The following LRMDA variants were observed in gnomAD, a reference collection of about 807,000 sequenced individuals.
LRMDA encodes the protein leucine-rich melanocyte differentiation-associated protein.
In LRMDA, 18 loss-of-function variants were observed where a neutral mutation model predicts 29.8. The observed-to-expected ratio is 0.60, with a 90% CI of 0.42 to 0.90. LRMDA has a LOEUF of 0.90. LRMDA is among the 40% of genes least tolerant of loss of function. The probability of loss-of-function intolerance (pLI) is 0.00; values close to 1 mark genes in which losing one functional copy is unlikely to be tolerated. For missense variants in LRMDA, 273 were observed against 273.9 expected (o/e 1.00, Z 0.02); for synonymous variants, 125 against 109.4 (o/e 1.14, Z -0.89).
intron 2 of LRMDA, among the ~76,000 whole-genome samples, chr10:75,685,991 G>C (rs1398327794): frequency 6.6e-6 from 1 of 152,176 alleles, no homozygotes; most frequent in Non-Finnish European, 1.5e-5. Context: ...CTGTTTTACA[G>C]ATAAGGACTT....
chr10:75,453,116 T>C (rs1844478400), intron 2 of LRMDA, among the ~76,000 whole-genome samples: 1 of 152,188 alleles, frequency 6.6e-6, no homozygotes, highest in Non-Finnish European at 1.5e-5. Flanking sequence ...GAGTCATATA[T>C]GCAGCTTTGT....
At chr10:76,487,778 A>G (rs982162638) in intron 6 of LRMDA, among the ~76,000 whole-genome samples, 1 of 151,930 alleles carries the variant, frequency 6.6e-6, no homozygotes, top group South Asian at 2.1e-4. Flanking sequence ...AGGTTACGCA[A>G]CTTGCCCAAG....
At chr10:75,537,954 A>G (rs1482091517) in intron 2 of LRMDA, among the ~76,000 whole-genome samples, 3 of 152,172 alleles carry the variant, frequency 2.0e-5, no homozygotes, top group Non-Finnish European at 2.9e-5. Context: ...CTGGTGGGTC[A>G]CACACAGCTC....
At chr10:75,664,037 C>T (rs755483200) in intron 2 of LRMDA, among the ~76,000 whole-genome samples, 4 of 152,126 alleles carry the variant, frequency 2.6e-5, no homozygotes, top group African/African-American at 7.2e-5. Flanking sequence ...CTGTGGATAT[C>T]GAATAGTCCG....
chr10:75,972,093 G>C (rs1846983539), intron 2 of LRMDA, among the ~76,000 whole-genome samples: 1 of 152,188 alleles, frequency 6.6e-6, no homozygotes, highest in South Asian at 2.1e-4. Context: ...TATCGCTTCA[G>C]CTGTTTTCTG....
intron 2 of LRMDA, among the ~76,000 whole-genome samples, chr10:75,938,309 A>C (rs1589259786): frequency 6.6e-6 from 1 of 152,288 alleles, no homozygotes; most frequent in East Asian, 1.9e-4. Context: ...TTGCCACGTT[A>C]CCTCCTAGAC....
chr10:76,241,583 A>G (rs1285132512), intron 5 of LRMDA, among the ~76,000 whole-genome samples: 1 of 152,176 alleles, frequency 6.6e-6, no homozygotes, highest in Non-Finnish European at 1.5e-5. Flanking sequence ...TGACTGTATG[A>G]AATGGGAATA....
chr10:76,175,129 AAAG>A (rs1295991893), intron 5 of LRMDA, among the ~76,000 whole-genome samples: 2 of 152,190 alleles, frequency 1.3e-5, no homozygotes, highest in Non-Finnish European at 2.9e-5. Context: ...CTCCAAAAAA[AAAG>A]AAGATTGTTC....
intron 2 of LRMDA, among the ~76,000 whole-genome samples, chr10:75,545,273 G>T (rs1444137184): frequency 6.6e-6 from 1 of 152,116 alleles, no homozygotes; most frequent in Non-Finnish European, 1.5e-5. Flanking sequence ...CATCAATTAA[G>T]TCAGAAACTA....
chr10:76,005,113 C>T (rs1212290342), intron 2 of LRMDA, among the ~76,000 whole-genome samples: 1 of 152,050 alleles, frequency 6.6e-6, no homozygotes, highest in East Asian at 1.9e-4. Flanking sequence ...AGATTTATCC[C>T]CCTCCAACAA....
At chr10:76,036,476 C>T (rs1848248463) in intron 3 of LRMDA, among the ~76,000 whole-genome samples, 1 of 152,206 alleles carries the variant, frequency 6.6e-6, no homozygotes, top group African/African-American at 2.4e-5. Flanking sequence ...GGCAGCGAAG[C>T]CCAGTCTGTT....
chr10:76,307,504 A>G (rs1840572911), intron 5 of LRMDA, among the ~76,000 whole-genome samples: 1 of 152,116 alleles, frequency 6.6e-6, no homozygotes, highest in Non-Finnish European at 1.5e-5. Context: ...GGATAGACCT[A>G]ACTCTGTGGA....
intron 6 of LRMDA, among the ~76,000 whole-genome samples, chr10:76,553,733 C>A (rs1396986273): frequency 6.6e-6 from 1 of 152,176 alleles, no homozygotes; most frequent in Non-Finnish European, 1.5e-5. Flanking sequence ...CAACTCTGAG[C>A]TCTGGGAGGA....
intron 3 of LRMDA, among the ~76,000 whole-genome samples, chr10:76,037,515 T>G (rs926726015): frequency 2.6e-5 from 4 of 152,244 alleles, no homozygotes; most frequent in African/African-American, 4.8e-5. Flanking sequence ...CTCTCAGATA[T>G]TGTCTCAGTC....
intron 5 of LRMDA, among the ~76,000 whole-genome samples, chr10:76,085,580 C>G (rs1849120608): frequency 6.6e-6 from 1 of 152,126 alleles, no homozygotes; most frequent in South Asian, 2.1e-4. Flanking sequence ...CCCTACCTCA[C>G]AGGGATGGTG....
At chr10:76,137,456 G>A (rs1397623382) in intron 5 of LRMDA, among the ~76,000 whole-genome samples, 1 of 152,124 alleles carries the variant, frequency 6.6e-6, no homozygotes, top group Non-Finnish European at 1.5e-5. Context: ...AGGCTAGACT[G>A]GAGGAAAGGG....
intron 6 of LRMDA, among the ~76,000 whole-genome samples, chr10:76,467,198 C>A (rs76467551): frequency 0.017 from 2,573 of 152,268 alleles, 66 homozygotes; most frequent in African/African-American, 0.059. Flanking sequence ...TTAAGTGTGG[C>A]TTCTTCTGTC....
At position 76,372,345 on chromosome 10, in the gene LRMDA, G is replaced by T. The variant is rs138962502; in HGVS notation, c.601+47860G>T. Reference sequence around the variant, plus strand: ...GAAGAAATCCTTGCCGGGCACAGTGGCTCACACCTGTAATCCCAGCACTTT... The same window carrying T: ...GAAGAAATCCTTGCCGGGCACAGTGTCTCACACCTGTAATCCCAGCACTTT... On this transcript the variant is annotated intron_variant, in intron 6 of 6. Transcript: ENST00000611255. 4.3e-3 allele frequency among the ~76,000 whole-genome samples: 658 copies of T among 152,254 alleles called. 2 individuals carry two copies. The highest frequency in any genetic ancestry group is 0.014 in the Middle Eastern group (4 of 294).
chr10:76,363,116 G>GGAAA (rs1192417224), intron 6 of LRMDA, among the ~76,000 whole-genome samples: 702 of 51,488 alleles, frequency 0.014, 58 homozygotes, highest in East Asian at 0.054. Flanking sequence ...TGTGGAGTAA[G>GGAAA]GAAAGAAAGA....
Sources: gnomAD v4.1 joint callset for allele counts (sites outside exome capture counted in the v4.1 genomes callset) on GRCh38, gnomAD v4.1.1 for gene constraint, MANE v1.5 for transcripts, NCBI Gene and HGNC (gene_info 2026-07-23, HGNC 2026-07-21) for gene names.